Variants in PCNX1 observed in about 807,000 individuals in gnomAD.
PCNX1 encodes pecanex 1.
In PCNX1, 78 loss-of-function variants were observed where a neutral mutation model predicts 242.2. The ratio of observed to expected loss-of-function variants is 0.32; its 90% CI spans 0.27 to 0.39. The LOEUF (loss-of-function observed/expected upper bound fraction) is 0.39. Among genes scored for constraint, PCNX1 ranks in the 10% least tolerant of loss-of-function variants. PCNX1 has a pLI of 1.00. For synonymous variants in PCNX1, 1,024 were observed against 1,032.9 expected, an observed-to-expected ratio of 0.99 and a Z score of 0.17; for missense variants, 2,581 against 2,856.5, an observed-to-expected ratio of 0.90 and a Z score of 2.20.
chr14:71,025,103 T>C (rs10140917), intron 13 of PCNX1, among the ~76,000 whole-genome samples: 84,850 of 152,072 alleles, frequency 0.56, 25,075 homozygotes, highest in East Asian at 0.74. Flanking sequence ...TTTCTCATCC[T>C]GTCATTCCTT....
At chr14:71,009,218 C>T (rs980331146) in intron 8 of PCNX1, among the ~76,000 whole-genome samples, 7 of 152,188 alleles carry the variant, frequency 4.6e-5, no homozygotes, top group Non-Finnish European at 8.8e-5. Flanking sequence ...AATGCAGTCA[C>T]ATGATTTTGT....
At chr14:71,053,235 G>C in intron 24 of PCNX1, 2 of 451,312 alleles carry the variant, frequency 4.4e-6, no homozygotes, top group Non-Finnish European at 8.8e-6. Context: ...TAACTTTTTG[G>C]ATTTAGAACC....
At chr14:70,945,103 C>G (rs143908037) in intron 1 of PCNX1, among the ~76,000 whole-genome samples, 1,933 of 152,300 alleles carry the variant, frequency 0.013, 21 homozygotes, top group Non-Finnish European at 0.021. Flanking sequence ...GTCCAACCCT[C>G]TAATCAGGAG....
chr14:70,957,538 G>A (rs2526846), intron 2 of PCNX1, among the ~76,000 whole-genome samples: 96,281 of 151,976 alleles, frequency 0.63, 30,762 homozygotes, highest in South Asian at 0.72. Flanking sequence ...CATCACATAT[G>A]ATTCCATTTA....
At chr14:70,939,744 C>T (rs963434451) in intron 1 of PCNX1, among the ~76,000 whole-genome samples, 5 of 151,928 alleles carry the variant, frequency 3.3e-5, no homozygotes, top group Non-Finnish European at 5.9e-5. Context: ...TTAAAGTCTC[C>T]CATTATTGTG....
intron 2 of PCNX1, among the ~76,000 whole-genome samples, chr14:70,949,302 C>CACGTGTGTGCACAG (rs1566608819): frequency 3.6e-4 from 53 of 146,050 alleles, no homozygotes; most frequent in African/African-American, 1.3e-3. Context: ...TGTGTACACA[C>CACGTGTGTGCACAG]ATATGTGTGT....
At chr14:70,958,724 T>A (rs962621288) in intron 2 of PCNX1, among the ~76,000 whole-genome samples, 2 of 151,950 alleles carry the variant, frequency 1.3e-5, no homozygotes, top group African/African-American at 4.8e-5. Flanking sequence ...TGATTCAAAC[T>A]AGCCTGGGTT....
At chr14:71,084,909 T>A (rs1174140262) in intron 28 of PCNX1, among the ~76,000 whole-genome samples, 2 of 152,150 alleles carry the variant, frequency 1.3e-5, no homozygotes, top group Non-Finnish European at 2.9e-5. Context: ...ACTCTGGCAG[T>A]TAGCTCGGTG....
At chr14:71,095,106 A>G (rs1259553248) in intron 30 of PCNX1, among the ~76,000 whole-genome samples, 1 of 102,708 alleles carries the variant, frequency 9.7e-6, no homozygotes, top group Non-Finnish European at 1.8e-5. Flanking sequence ...TGCTTTTTTC[A>G]TCTGTTCTCT....
In PCNX1 at chr14:71,109,041, G is replaced by T; in HGVS notation, c.6739G>T (p.Val2247Phe). 1 of 1,606,694 alleles carries T rather than the reference G, an allele frequency of 6.2e-7. No individual in the cohort carries two copies. The highest frequency in any genetic ancestry group is 8.5e-7 in the Non-Finnish European group (1 of 1,175,550). The change falls in exon 34 of 36, where the codon GTC (valine) becomes TTC (phenylalanine). Residue 2247 changes from valine to phenylalanine, a missense_variant. Transcript: ENST00000304743. The stretch of plus-strand genomic sequence containing the variant: ...CAGAAAGGCAGAAGTGATTTACAGA[G>T]TCCAAGTAAGTAAGCCCAGAGGTGG... ...HSRKAEVIYR[V>F]QIVDPSQILE...
At chr14:70,972,608 C>CG (rs927920163) in intron 5 of PCNX1, among the ~76,000 whole-genome samples, 17 of 152,242 alleles carry the variant, frequency 1.1e-4, no homozygotes, top group Admixed American at 1.0e-3. Context: ...GTTTGGTACT[C>CG]TTACTCCTCT....
chr14:71,022,915 C>T (rs2060143307), intron 12 of PCNX1, among the ~76,000 whole-genome samples: 1 of 151,978 alleles, frequency 6.6e-6, no homozygotes. Context: ...AGTAAGATGG[C>T]TCTGTCTATC....
chr14:70,921,124 T>C (rs970536843), intron 1 of PCNX1, among the ~76,000 whole-genome samples: 25 of 152,196 alleles, frequency 1.6e-4, no homozygotes, highest in African/African-American at 6.0e-4. Flanking sequence ...ATTCTTGGTA[T>C]GTATCTGGAA....
At chr14:71,001,146 CATT>C (rs778705223) in intron 8 of PCNX1, among the ~76,000 whole-genome samples, 38 of 110,036 alleles carry the variant, frequency 3.5e-4, no homozygotes, top group Non-Finnish European at 5.3e-4. Context: ...AATATTATAT[CATT>C]ATTTAATCAA....
intron 8 of PCNX1, among the ~76,000 whole-genome samples, chr14:71,001,354 T>G (rs986723729): frequency 6.6e-6 from 1 of 152,312 alleles, no homozygotes; most frequent in Admixed American, 6.5e-5. Flanking sequence ...TTAATGGCTT[T>G]ATGGAAAGCT....
At chr14:71,053,228 C>G (rs2061087387) in intron 24 of PCNX1, 1 of 451,176 alleles carries the variant, frequency 2.2e-6, no homozygotes, top group Non-Finnish European at 4.4e-6. Flanking sequence ...CAGTTCTTAA[C>G]TTTTTGGATT....
Position 71,055,507 on chromosome 14 carries a change from A to G in PCNX1, c.4581A>G (p.Thr1527=), listed in dbSNP as rs549814344. ...PVKFWERDYN[T]KRVDHSNTRL... is the part of the protein sequence containing the mutation. ...AAAAATGTTTTATTTTCTTTAGCACAAAACGAGTGGATCATTCAAATACCA... is the reference window on the plus strand; with the variant it reads ...AAAAATGTTTTATTTTCTTTAGCACGAAACGAGTGGATCATTCAAATACCA... Residue 1527 remains threonine (T), a synonymous_variant, in exon 25 of 36, where the codon ACA becomes ACG. Coordinates refer to ENST00000304743, the MANE Select transcript of PCNX1 (RefSeq NM_014982.3). 1 of 1,598,070 alleles carries G rather than the reference A, an allele frequency of 6.3e-7. No individual in the cohort carries two copies. Among genetic ancestry groups the G allele is most frequent in the African/African-American group, 1.3e-5 (1 of 74,726 alleles).
chr14:71,059,711 C>T (rs964834954), intron 26 of PCNX1, among the ~76,000 whole-genome samples: 1 of 152,108 alleles, frequency 6.6e-6, no homozygotes, highest in Non-Finnish European at 1.5e-5. Flanking sequence ...TTTAAAGACA[C>T]ATTTGATCAT....
intron 26 of PCNX1, among the ~76,000 whole-genome samples, chr14:71,062,489 A>G (rs2061351134): frequency 1.3e-5 from 2 of 151,884 alleles, no homozygotes; most frequent in Non-Finnish European, 2.9e-5. Context: ...TTTTAACAAA[A>G]AAGTTTAAAA....
Sources: gnomAD v4.1 joint callset for allele counts (sites outside exome capture counted in the v4.1 genomes callset) on GRCh38, gnomAD v4.1.1 for gene constraint, MANE v1.5 for transcripts, NCBI Gene and HGNC (gene_info 2026-07-23, HGNC 2026-07-21) for gene names.